Variants in DIP2A observed in about 807,000 individuals in gnomAD.
DIP2A encodes the protein disco-interacting protein 2 homolog A.
In DIP2A, 85 loss-of-function variants were observed where a neutral mutation model predicts 177.4. The observed-to-expected ratio is 0.48, with a 90% CI of 0.40 to 0.57. DIP2A has a LOEUF of 0.57. Ranked by LOEUF, DIP2A falls within the 20% of genes least tolerant of loss-of-function variation. DIP2A has a pLI of 0.00. For synonymous variants in DIP2A, 886 were observed against 881.8 expected (o/e 1.00, Z -0.08); for missense variants, 1,791 against 2,100.2 (o/e 0.85, Z 2.88).
chr21:46,526,976 A>G (rs1264444139), intron 8 of DIP2A, among the ~76,000 whole-genome samples: 2 of 152,206 alleles, frequency 1.3e-5, no homozygotes, highest in Non-Finnish European at 2.9e-5. Context: ...TTGGGTTTCT[A>G]AAGATGCCCC....
At chr21:46,494,532 C>T (rs1409329108) in intron 3 of DIP2A, among the ~76,000 whole-genome samples, 1 of 152,148 alleles carries the variant, frequency 6.6e-6, no homozygotes, top group East Asian at 1.9e-4. Context: ...TTCTGACATT[C>T]CTTCTTCACT....
chr21:46,495,166 TTCTC>T (rs1269099821), intron 3 of DIP2A, among the ~76,000 whole-genome samples: 2 of 144,618 alleles, frequency 1.4e-5, no homozygotes, highest in Non-Finnish European at 3.1e-5. Context: ...CCCTCCCTCT[TTCTC>T]TTTCGCTTTT....
chr21:46,547,239 G>C (rs750638079), intron 21 of DIP2A, 197 bp downstream of exon 21: 1 of 1,351,406 alleles, frequency 7.4e-7, no homozygotes, highest in Non-Finnish European at 9.5e-7. Context: ...TGTCCAAAGA[G>C]TTCCTTGGAT....
At position 46,568,848 on chromosome 21, in the gene DIP2A, AG is replaced by A. The variant is rs1268096926; in HGVS notation, c.*1229del. The A allele has an allele frequency of 6.6e-6, 1 of 152,224 alleles. No homozygotes were observed. The highest frequency in any genetic ancestry group is 2.4e-5 in the African/African-American group (1 of 41,454). 9.4% of individuals were successfully genotyped at this position (152,224 alleles called of 1,614,324 possible). A position where few individuals can be genotyped will look rare whatever the true frequency, so the allele number is the denominator to read the frequency against. ...TACCGGCAGTACAGTTGAGGGGAGC[AG>A]GGAACAGCATTGCCCCGTATTGAAG... On this transcript the variant is annotated 3_prime_UTR_variant, in exon 38 of 38. Coordinates refer to ENST00000417564, the MANE Select transcript of DIP2A (RefSeq NM_015151.4).
chr21:46,514,161 G>A (rs1406842403), intron 8 of DIP2A, among the ~76,000 whole-genome samples: 2 of 151,806 alleles, frequency 1.3e-5, no homozygotes, highest in South Asian at 2.1e-4. Flanking sequence ...TGTGCTGGGC[G>A]CGGTGGCTCA....
In DIP2A at chr21:46,556,795, C is replaced by A; in HGVS notation, c.3499-144C>A. ...ATTTAGGTTATATGGGGATTTGAGC[C>A]AACCGTCTTTTAAGGAAATAAATAT... On this transcript the variant is annotated intron_variant, in intron 29 of 37. Coordinates refer to ENST00000417564, the MANE Select transcript of DIP2A (RefSeq NM_015151.4). The surrounding 1 kb of genome is among the most constrained non-coding windows in gnomAD (Gnocchi z 4.5). 1 of 725,720 alleles carries A rather than the reference C, an allele frequency of 1.4e-6. No homozygotes were observed. Among genetic ancestry groups the A allele is most frequent in the Non-Finnish European group, 2.1e-6 (1 of 469,630 alleles). The allele number at this position is 725,720 out of a possible 1,614,324, so 45.0% of individuals were successfully genotyped here.
At chr21:46,513,803 T>C (rs1186013382) in intron 8 of DIP2A, among the ~76,000 whole-genome samples, 1 of 152,142 alleles carries the variant, frequency 6.6e-6, no homozygotes, top group African/African-American at 2.4e-5. Flanking sequence ...TTTGGACTTG[T>C]GATGCGATGC....
At chr21:46,570,045 G>A (rs1382315346), downstream of DIP2A, among the ~76,000 whole-genome samples, 4 of 152,154 alleles carry the variant, frequency 2.6e-5, no homozygotes, top group South Asian at 6.2e-4. Context: ...TGTTTCAGTG[G>A]CTGTATTTTA....
At chr21:46,548,887 C>A (rs2060163672) in intron 21 of DIP2A, among the ~76,000 whole-genome samples, 1 of 152,232 alleles carries the variant, frequency 6.6e-6, no homozygotes, top group East Asian at 1.9e-4. Flanking sequence ...ACACATCAGA[C>A]TTCCCCACAG....
the DIP2A span, among the ~76,000 whole-genome samples, chr21:46,578,608 GTTA>G: frequency 1.4e-3 from 211 of 152,222 alleles, no homozygotes; most frequent in Non-Finnish European, 2.6e-3. Context: ...ATAAGTGGCT[GTTA>G]TTATTTTGAG....
chr21:46,547,685 A>C (rs2060113840), intron 21 of DIP2A, among the ~76,000 whole-genome samples: 1 of 123,496 alleles, frequency 8.1e-6, no homozygotes, highest in Non-Finnish European at 1.7e-5. Flanking sequence ...TTTTTTTTAA[A>C]GATAGGGTCT....
In DIP2A at chr21:46,538,530, G is replaced by A; in HGVS notation, c.1849G>A (p.Ala617Thr). 1 of 1,560,772 alleles carries A rather than the reference G, an allele frequency of 6.4e-7. No homozygotes were observed. Among genetic ancestry groups the A allele is most frequent in the Non-Finnish European group, 8.7e-7 (1 of 1,155,282 alleles). The part of the protein sequence containing the change: ...KSRDMHWSLL[A>T]QRGQRDVSLS... Reference sequence around the variant, plus strand: ...GCGAGACATGCACTGGTCTCTCCTAGCTCAGCGGGGCCAGAGGGACGTCAG... The same window carrying A: ...GCGAGACATGCACTGGTCTCTCCTAACTCAGCGGGGCCAGAGGGACGTCAG... Residue 617 changes from alanine (A) to threonine (T), a missense_variant, in exon 16 of 38, where the codon GCT (alanine) becomes ACT (threonine). Physicochemically the swap from Ala to Thr is moderately conservative, Grantham distance 58 (BLOSUM62 0). Coordinates refer to ENST00000417564, the MANE Select transcript of DIP2A (RefSeq NM_015151.4).
chr21:46,582,838 A>G, the DIP2A span, among the ~76,000 whole-genome samples: 2 of 152,136 alleles, frequency 1.3e-5, no homozygotes, highest in African/African-American at 2.4e-5. Flanking sequence ...AGCAAAGAGA[A>G]CCAGTAAAGG....
At chr21:46,526,053 C>T (rs1450524750) in intron 8 of DIP2A, among the ~76,000 whole-genome samples, 5 of 151,282 alleles carry the variant, frequency 3.3e-5, no homozygotes, top group Non-Finnish European at 4.4e-5. Context: ...GGATTACAGG[C>T]GCCTGCCACC....
intron 1 of DIP2A, among the ~76,000 whole-genome samples, chr21:46,467,213 G>A (rs554449888): frequency 1.6e-4 from 24 of 150,514 alleles, no homozygotes; most frequent in African/African-American, 5.4e-4. Context: ...GGAGAATGGC[G>A]TGAACCTGGG....
chr21:46,565,838 CGGCT>C lies in DIP2A; in HGVS notation c.4291_4294del (p.Gly1431ThrfsTer75), dbSNP rs765382658. The C allele has an allele frequency of 6.2e-7, 1 of 1,613,988 alleles. No homozygotes were observed. On this transcript the variant is annotated frameshift_variant, in exon 36 of 38. Transcript: ENST00000417564. LOFTEE classifies it high-confidence loss of function. ...ACACACAGACCATCTGGGCAAGGAC[CGGCT>C]ACCTTGGCTTCCTTCGGCGAACAGA...
At position 46,556,466 on chromosome 21, in the gene DIP2A, A is replaced by G. The variant is rs1030510626; in HGVS notation, c.3498+375A>G. 1.2e-5 allele frequency: 13 copies of G among 1,055,322 alleles called. No homozygotes were observed. Among genetic ancestry groups the G allele is most frequent in the Non-Finnish European group, 1.7e-5 (13 of 769,104 alleles). 65.4% of individuals were successfully genotyped at this position (1,055,322 alleles called of 1,614,324 possible). On this transcript the variant is annotated intron_variant, in intron 29 of 37. Coordinates refer to ENST00000417564, the MANE Select transcript of DIP2A (RefSeq NM_015151.4). The surrounding 1 kb of genome is among the most constrained non-coding windows in gnomAD (Gnocchi z 4.5). Reference sequence around the variant, plus strand: ...CGGGAGGCCGAGGCGGGTGGATCACAAGATCAAGAGATGGAGACCATCCTG... The same window carrying G: ...CGGGAGGCCGAGGCGGGTGGATCACGAGATCAAGAGATGGAGACCATCCTG...
chr21:46,502,302 A>AT (rs61344657), intron 5 of DIP2A, among the ~76,000 whole-genome samples: 15 of 149,522 alleles, frequency 1.0e-4, no homozygotes, highest in African/African-American at 2.5e-4. Context: ...TGCCCAGCTA[A>AT]TTTTTTTTTT....
chr21:46,516,484 A>AT, intron 8 of DIP2A, among the ~76,000 whole-genome samples: 1 of 92,852 alleles, frequency 1.1e-5, no homozygotes, highest in Non-Finnish European at 2.4e-5. Flanking sequence ...GTCTTCTGAA[A>AT]TTTCTTTTTT....
Sources: gnomAD v4.1 joint callset for allele counts (sites outside exome capture counted in the v4.1 genomes callset) on GRCh38, gnomAD v4.1.1 for gene constraint, Gnocchi (gnomAD v3.1) non-coding constraint, MANE v1.5 for transcripts, NCBI Gene and HGNC (gene_info 2026-07-23, HGNC 2026-07-21) for gene names.